TRMT9B: variants seen among roughly 807,000 people sequenced by gnomAD.
TRMT9B encodes probable tRNA methyltransferase 9B.
TRMT9B carries 16 observed loss-of-function variants against 11.5 expected under a neutral mutation model. The ratio of observed to expected loss-of-function variants is 1.39; its 90% CI spans 0.94 to 2.11. The LOEUF is 2.11. TRMT9B is among the 30% of genes most tolerant of loss of function. TRMT9B has a pLI of 0.00. For missense variants in TRMT9B, 941 were observed against 553.8 expected, an observed-to-expected ratio of 1.70 and a Z score of -7.02; for synonymous variants, 274 against 192.4, an observed-to-expected ratio of 1.42 and a Z score of -3.51.
chr8:12,947,180 T>C (rs997509619), intron 1 of TRMT9B, among the ~76,000 whole-genome samples: 3 of 152,204 alleles, frequency 2.0e-5, no homozygotes, highest in African/African-American at 7.2e-5. Flanking sequence ...GCCATAAAGC[T>C]TGAGCTTTGC....
At chr8:12,991,114 C>A in intron 2 of TRMT9B, 83 bp downstream of exon 2, 2 of 552,934 alleles carry the variant, frequency 3.6e-6, no homozygotes, top group Non-Finnish European at 2.5e-6. Context: ...CTAATTCTTC[C>A]CAATCCCTAT....
intron 3 of TRMT9B, chr8:13,010,395 G>A (rs922586706): frequency 2.0e-6 from 2 of 982,096 alleles, no homozygotes; most frequent in Non-Finnish European, 1.2e-6. Context: ...AAGACAGATG[G>A]TAATATGACT....
At chr8:12,991,879 C>T (rs575348123) in intron 2 of TRMT9B, among the ~76,000 whole-genome samples, 30 of 152,196 alleles carry the variant, frequency 2.0e-4, no homozygotes, top group African/African-American at 7.0e-4. Context: ...TGCAGCAAGC[C>T]GAGATTGCGC....
intron 3 of TRMT9B, chr8:13,012,190 T>C (rs1412046558): frequency 5.1e-6 from 5 of 985,242 alleles, no homozygotes; most frequent in Non-Finnish European, 6.0e-6. Flanking sequence ...CTCTCTTCTA[T>C]ATGAGAATCT....
chr8:12,948,908 C>G (rs974511126), intron 1 of TRMT9B, among the ~76,000 whole-genome samples: 2 of 152,042 alleles, frequency 1.3e-5, no homozygotes, highest in Admixed American at 6.6e-5. Context: ...TGCAGTGAGC[C>G]GAGATCGCAC....
intron 2 of TRMT9B, among the ~76,000 whole-genome samples, chr8:12,998,003 G>T (rs572139945): frequency 2.3e-3 from 352 of 152,288 alleles, no homozygotes; most frequent in Non-Finnish European, 4.0e-3. Flanking sequence ...TACTAGTGAA[G>T]TTAAGCCCCT....
chr8:12,966,560 A>G (rs568661919), intron 1 of TRMT9B, among the ~76,000 whole-genome samples: 42 of 152,354 alleles, frequency 2.8e-4, no homozygotes, highest in African/African-American at 9.1e-4. Flanking sequence ...AAAGATTTCC[A>G]TGATAATACA....
At chr8:13,000,724 A>C (rs757543700) in intron 2 of TRMT9B, among the ~76,000 whole-genome samples, 1 of 152,238 alleles carries the variant, frequency 6.6e-6, no homozygotes, top group Non-Finnish European at 1.5e-5. Flanking sequence ...AGATATTACA[A>C]CACTATGTGT....
intron 2 of TRMT9B, among the ~76,000 whole-genome samples, chr8:12,997,991 G>T (rs1455096323): frequency 1.3e-5 from 2 of 152,158 alleles, no homozygotes; most frequent in African/African-American, 4.8e-5. Flanking sequence ...GCGGTTCCCT[G>T]ATACTAGTGA....
At chr8:12,958,122 T>A (rs569460991) in intron 1 of TRMT9B, among the ~76,000 whole-genome samples, 1 of 152,344 alleles carries the variant, frequency 6.6e-6, no homozygotes, top group South Asian at 2.1e-4. Flanking sequence ...CCATGTAGTA[T>A]AATATTTTCA....
At chr8:13,003,600 C>T (rs1809859475) in intron 2 of TRMT9B, among the ~76,000 whole-genome samples, 1 of 151,898 alleles carries the variant, frequency 6.6e-6, no homozygotes, top group South Asian at 2.1e-4. Flanking sequence ...TGAGAAATAA[C>T]CCTTAAGAGG....
chr8:13,014,284 C>A (rs1051118764), intron 4 of TRMT9B, among the ~76,000 whole-genome samples: 1 of 152,146 alleles, frequency 6.6e-6, no homozygotes, highest in Non-Finnish European at 1.5e-5. Context: ...GCCTTTGCAG[C>A]CTGCTATAGC....
intron 4 of TRMT9B, among the ~76,000 whole-genome samples, chr8:13,014,349 G>A (rs969741263): frequency 6.6e-6 from 1 of 152,144 alleles, no homozygotes; most frequent in Non-Finnish European, 1.5e-5. Flanking sequence ...CCGTTCTGGA[G>A]GCTGGACATC....
At chr8:12,982,112 T>A (rs944425666) in intron 1 of TRMT9B, among the ~76,000 whole-genome samples, 3 of 152,232 alleles carry the variant, frequency 2.0e-5, no homozygotes, top group Admixed American at 6.5e-5. Context: ...CCTCTCCATG[T>A]CTTTGCCCTC....
chr8:12,974,845 C>T (rs1804190726), intron 1 of TRMT9B, among the ~76,000 whole-genome samples: 1 of 152,050 alleles, frequency 6.6e-6, no homozygotes, highest in Non-Finnish European at 1.5e-5. Flanking sequence ...GCTCTTCACG[C>T]CTGAGGTTGA....
chr8:12,950,339 C>T (rs1195910535), intron 1 of TRMT9B, among the ~76,000 whole-genome samples: 1 of 152,158 alleles, frequency 6.6e-6, no homozygotes, highest in Non-Finnish European at 1.5e-5. Flanking sequence ...ATTTGCCAGG[C>T]ACTATCCTAT....
intron 2 of TRMT9B, among the ~76,000 whole-genome samples, chr8:12,994,571 C>T (rs1030065577): frequency 1.3e-5 from 2 of 152,192 alleles, no homozygotes; most frequent in African/African-American, 4.8e-5. Flanking sequence ...TGCTACTTTC[C>T]CTGAAAAGCA....
intron 2 of TRMT9B, among the ~76,000 whole-genome samples, chr8:12,999,565 A>T (rs1267280399): frequency 1.3e-5 from 2 of 152,204 alleles, no homozygotes; most frequent in Non-Finnish European, 2.9e-5. Context: ...AATATTGTTG[A>T]ATTGGCTAGA....
At chr8:12,978,134 C>G (rs144815501) in intron 1 of TRMT9B, among the ~76,000 whole-genome samples, 25 of 152,294 alleles carry the variant, frequency 1.6e-4, no homozygotes, top group African/African-American at 6.0e-4. Flanking sequence ...ATAGATCTGC[C>G]TTTCTTCATG....
Sources: gnomAD v4.1 joint callset for allele counts (sites outside exome capture counted in the v4.1 genomes callset) on GRCh38, gnomAD v4.1.1 for gene constraint, MANE v1.5 for transcripts, NCBI Gene and HGNC (gene_info 2026-07-23, HGNC 2026-07-21) for gene names.